The following MAD1L1 variants were observed in gnomAD, a reference collection of about 807,000 sequenced individuals.
MAD1L1 encodes mitotic arrest deficient 1 like 1.
Under a neutral mutation model 96.9 loss-of-function variants are expected in MAD1L1, and 95 were observed. The observed-to-expected ratio is 0.98, with a 90% CI of 0.83 to 1.16. The LOEUF (loss-of-function observed/expected upper bound fraction) is 1.16. MAD1L1 is among the 50% of genes most tolerant of loss of function. The probability of loss-of-function intolerance (pLI) is 0.00; values close to 1 mark genes in which losing one functional copy is unlikely to be tolerated. For missense variants in MAD1L1, 1,007 were observed against 954.4 expected (o/e 1.06, Z -0.73); for synonymous variants, 473 against 396.6 (o/e 1.19, Z -2.29).
At chr7:2,083,312 G>A (rs920732376) in intron 11 of MAD1L1, among the ~76,000 whole-genome samples, 7 of 152,248 alleles carry the variant, frequency 4.6e-5, no homozygotes, top group African/African-American at 1.7e-4. Context: ...CGGGCGGGGG[G>A]CTTGGAGGGC....
chr7:1,978,595 C>G (rs1332604298), intron 15 of MAD1L1, among the ~76,000 whole-genome samples: 1 of 152,184 alleles, frequency 6.6e-6, no homozygotes, highest in Non-Finnish European at 1.5e-5. Flanking sequence ...CCTGCCCGGT[C>G]TCCAGCTTCC....
intron 16 of MAD1L1, among the ~76,000 whole-genome samples, chr7:1,941,435 G>A (rs1583865242): frequency 2.6e-5 from 4 of 152,378 alleles, no homozygotes; most frequent in South Asian, 2.1e-4. Flanking sequence ...AGAGATGAAG[G>A]AAACCAAATC....
chr7:1,843,349 C>G (rs1044608619), intron 18 of MAD1L1, among the ~76,000 whole-genome samples: 2 of 152,188 alleles, frequency 1.3e-5, no homozygotes, highest in African/African-American at 2.4e-5. Flanking sequence ...CCCCGGGGAG[C>G]TCCTGCGCAG....
chr7:2,123,256 G>C (rs1462889725), intron 11 of MAD1L1, among the ~76,000 whole-genome samples: 1 of 145,086 alleles, frequency 6.9e-6, no homozygotes, highest in Non-Finnish European at 1.5e-5. Flanking sequence ...AGTGAGCCGA[G>C]ATCGGGCCAC....
At position 1,931,113 on chromosome 7, in the gene MAD1L1, T is replaced by C. The variant is rs11982268; in HGVS notation, c.1807+5574A>G. Among the ~76,000 whole-genome samples the C allele has an allele frequency of 1.0e-3, 122 of 117,444 alleles. 9 individuals carry two copies. Among genetic ancestry groups the C allele is most frequent in the African/African-American group, 4.2e-3 (103 of 24,510 alleles). 77.0% of individuals were successfully genotyped at this position (117,444 alleles called of 152,430 possible). On this transcript the variant is annotated intron_variant, in intron 17 of 18. Coordinates refer to ENST00000265854, the MANE Select transcript of MAD1L1 (RefSeq NM_001013836.2). The stretch of plus-strand genomic sequence containing the variant: ...GAGCGAGGGCGCATCATGGGGTCCA[T>C]GTCAAGGGTCTGCTGATGCTGTGGG...
chr7:1,993,088 A>C (rs903863567), intron 14 of MAD1L1, among the ~76,000 whole-genome samples: 1 of 152,342 alleles, frequency 6.6e-6, no homozygotes, highest in East Asian at 1.9e-4. Context: ...ACTCGATCTA[A>C]GTTTCGTGGA....
At chr7:1,932,959 T>C (rs567920990) in intron 17 of MAD1L1, among the ~76,000 whole-genome samples, 5 of 152,376 alleles carry the variant, frequency 3.3e-5, no homozygotes, top group African/African-American at 1.2e-4. Flanking sequence ...TCCCTACTTT[T>C]GCCTTCCCCC....
chr7:2,230,169 T>C, intron 2 of MAD1L1, 26 bp from the exon 3 acceptor site: 1 of 1,560,864 alleles, frequency 6.4e-7, no homozygotes, highest in Non-Finnish European at 8.7e-7. Context: ...AAAGGACTGG[T>C]CAGGGGCAGC....
chr7:2,062,369 G>T (rs1328544380), intron 12 of MAD1L1, among the ~76,000 whole-genome samples: 1 of 151,894 alleles, frequency 6.6e-6, no homozygotes, highest in Admixed American at 6.6e-5. Context: ...GAGGTCAGGA[G>T]TTCGAGACCA....
At chr7:1,871,035 G>T (rs551330911) in intron 18 of MAD1L1, among the ~76,000 whole-genome samples, 1 of 131,600 alleles carries the variant, frequency 7.6e-6, no homozygotes, top group East Asian at 2.4e-4. Context: ...CCTAACATAC[G>T]CCTGCCACGT....
intron 17 of MAD1L1, among the ~76,000 whole-genome samples, chr7:1,909,009 T>C (rs530895067): frequency 1.4e-4 from 21 of 152,258 alleles, no homozygotes; most frequent in African/African-American, 5.1e-4. Context: ...CCCTCTAGGA[T>C]GGGTCTGATG....
chr7:2,031,793 G>A (rs1307974963), intron 12 of MAD1L1, among the ~76,000 whole-genome samples: 1 of 152,260 alleles, frequency 6.6e-6, no homozygotes, highest in African/African-American at 2.4e-5. Flanking sequence ...GCCCTGTGCC[G>A]CATGGCTCTA....
At chr7:1,876,997 A>G (rs1219457478) in intron 18 of MAD1L1, among the ~76,000 whole-genome samples, 5 of 143,380 alleles carry the variant, frequency 3.5e-5, no homozygotes, top group African/African-American at 1.3e-4. Context: ...AGGTGAATAC[A>G]CTTCAACAAG....
intron 12 of MAD1L1, among the ~76,000 whole-genome samples, chr7:2,048,970 T>C (rs1326083172): frequency 1.3e-5 from 2 of 152,256 alleles, no homozygotes; most frequent in East Asian, 1.9e-4. Context: ...TGATTTTGTG[T>C]AGCAGGGTGA....
chr7:2,165,786 G>A (rs544549438), intron 10 of MAD1L1, among the ~76,000 whole-genome samples: 5 of 152,280 alleles, frequency 3.3e-5, no homozygotes, highest in Non-Finnish European at 7.4e-5. Flanking sequence ...GGCTCAGGGC[G>A]AGACAGAGTG....
At chr7:2,211,592 G>A (rs371978378) in intron 10 of MAD1L1, among the ~76,000 whole-genome samples, 22 of 152,310 alleles carry the variant, frequency 1.4e-4, no homozygotes, top group East Asian at 7.7e-4. Flanking sequence ...CAGAAGGGTC[G>A]CCTTCCAAGC....
At chr7:1,885,908 G>C (rs114516545) in intron 18 of MAD1L1, among the ~76,000 whole-genome samples, 2,001 of 152,318 alleles carry the variant, frequency 0.013, 44 homozygotes, top group African/African-American at 0.046. Flanking sequence ...ACCCCTGCCC[G>C]GCATCTCTGG....
chr7:2,018,172 C>T lies in MAD1L1; in HGVS notation c.1219-3530G>A, dbSNP rs983483856. ...CCCCAAGTCAGACCCAACACACACA[C>T]CCAACGAAGCCCACATCCTGCCTGG... On this transcript the variant is annotated intron_variant, in intron 12 of 18. Transcript: ENST00000265854. Among the ~76,000 whole-genome samples, 2 of 152,196 alleles carry T rather than the reference C, an allele frequency of 1.3e-5. 1 individual carries two copies. The highest frequency in any genetic ancestry group is 4.8e-5 in the African/African-American group (2 of 41,440).
chr7:1,981,758 T>C (rs541353069), intron 14 of MAD1L1, among the ~76,000 whole-genome samples: 3 of 152,060 alleles, frequency 2.0e-5, no homozygotes, highest in Non-Finnish European at 4.4e-5. Context: ...CAACACCCCC[T>C]GGGCTGGGGG....
Sources: gnomAD v4.1 joint callset for allele counts (sites outside exome capture counted in the v4.1 genomes callset) on GRCh38, gnomAD v4.1.1 for gene constraint, MANE v1.5 for transcripts, NCBI Gene and HGNC (gene_info 2026-07-23, HGNC 2026-07-21) for gene names.